The following ACTN4 variants were observed in gnomAD, a reference collection of about 807,000 sequenced individuals.
The protein encoded by ACTN4 is actinin alpha 4.
ACTN4 carries 18 observed loss-of-function variants against 114.2 expected under a neutral mutation model. The ratio of observed to expected loss-of-function variants is 0.16; its 90% confidence interval spans 0.11 to 0.23. The LOEUF is 0.23. ACTN4 is among the 10% of genes least tolerant of loss of function. The probability of loss-of-function intolerance (pLI) is 1.00; values close to 1 mark genes in which losing one functional copy is unlikely to be tolerated. For missense variants in ACTN4, 722 were observed against 1,262.9 expected (o/e 0.57, Z 6.49); for synonymous variants, 515 against 506.3 (o/e 1.02, Z -0.23).
intron 1 of ACTN4, among the ~76,000 whole-genome samples, chr19:38,649,236 G>A (rs1387751348): frequency 7.1e-6 from 1 of 141,746 alleles, no homozygotes; most frequent in Non-Finnish European, 1.5e-5. Context: ...GTGATCAGAA[G>A]TGGAGTGGGA....
rs554507793 is a variant in ACTN4, at chr19:38,696,574, C to G, written c.163-4026C>G. ...CCATTCGAACTCCAGCTCCTACTCA[C>G]CAGTCTCTCCGCATGGAGAAGTGGC... On this transcript the variant is annotated intron_variant, in intron 1 of 20. Coordinates refer to ENST00000252699, the MANE Select transcript of ACTN4 (RefSeq NM_004924.6). 4.6e-3 allele frequency among the ~76,000 whole-genome samples: 696 copies of G among 152,334 alleles called. 2 individuals carry two copies. Among genetic ancestry groups the G allele is most frequent in the Non-Finnish European group, 8.0e-3 (542 of 68,032 alleles).
intron 1 of ACTN4, among the ~76,000 whole-genome samples, chr19:38,667,406 A>G (rs1400340288): frequency 6.6e-6 from 1 of 152,144 alleles, no homozygotes; most frequent in Non-Finnish European, 1.5e-5. Context: ...AGCGGGAGAA[A>G]AATCACAAGG....
In ACTN4 at chr19:38,730,864, G is replaced by A. The variant is rs1441594194; in HGVS notation, c.*1432G>A. The A allele has an allele frequency of 6.4e-7, 1 of 1,551,418 alleles. No individual in the cohort carries two copies. Among genetic ancestry groups the A allele is most frequent in the South Asian group, 1.2e-5 (1 of 84,102 alleles). On this transcript the variant is annotated 3_prime_UTR_variant, in exon 21 of 21. Coordinates refer to ENST00000252699, the MANE Select transcript of ACTN4 (RefSeq NM_004924.6). ...CCATCCGGAGATCCTAGGAGAAGGT[G>A]GCCACCTCCATCCACTAAGGAAGAG...
intron 11 of ACTN4, among the ~76,000 whole-genome samples, chr19:38,721,129 C>A (rs1365289510): frequency 6.6e-6 from 1 of 152,224 alleles, no homozygotes; most frequent in African/African-American, 2.4e-5. Flanking sequence ...TCTGATGCTT[C>A]CCCTTCCCCA....
At chr19:38,676,964 C>T (rs1967396545) in intron 1 of ACTN4, among the ~76,000 whole-genome samples, 1 of 152,164 alleles carries the variant, frequency 6.6e-6, no homozygotes. Context: ...TGCAAGTCCC[C>T]AAGGCCCTGC....
chr19:38,670,608 A>C (rs1309223384), intron 1 of ACTN4, among the ~76,000 whole-genome samples: 1 of 151,962 alleles, frequency 6.6e-6, no homozygotes, highest in Non-Finnish European at 1.5e-5. Flanking sequence ...GGAAATGGAG[A>C]GTTTTATGGG....
intron 16 of ACTN4, among the ~76,000 whole-genome samples, chr19:38,725,393 C>T (rs1384938637): frequency 5.3e-5 from 8 of 152,242 alleles, no homozygotes; most frequent in Admixed American, 3.3e-4. Context: ...CTGAGCTGTC[C>T]TCCGTGAGCC....
At chr19:38,679,670 C>T (rs774758020) in intron 1 of ACTN4, among the ~76,000 whole-genome samples, 1 of 151,578 alleles carries the variant, frequency 6.6e-6, no homozygotes, top group Admixed American at 6.6e-5. Context: ...TAGCTCACTG[C>T]GGCCTCTGAA....
chr19:38,729,514 T>TATCTA lies in ACTN4; in HGVS notation c.*83_*87dup. 9.3e-7 allele frequency: 1 copy of TATCTA among 1,070,324 alleles called. No homozygotes were observed. Among genetic ancestry groups the TATCTA allele is most frequent in the Non-Finnish European group, 1.3e-6 (1 of 787,402 alleles). The allele number at this position is 1,070,324 out of a possible 1,614,324, so 66.3% of individuals were successfully genotyped here. A position where few individuals can be genotyped will look rare whatever the true frequency, so the allele number is the denominator to read the frequency against. ...CCCACAGTCCCATTCCTCCACTCTG[T>TATCTA]ATCTATGCAAAGCACTCTCTGCAGT... On this transcript the variant is annotated 3_prime_UTR_variant, in exon 21 of 21. Transcript: ENST00000252699.
Position 38,727,696 on chromosome 19 carries a change from G to A in ACTN4, c.2338-250G>A, listed in dbSNP as rs1274404071. Among the ~76,000 whole-genome samples the A allele has an allele frequency of 6.9e-6, 1 of 145,070 alleles. No homozygotes were observed. Among genetic ancestry groups the A allele is most frequent in the African/African-American group, 2.6e-5 (1 of 38,698 alleles). On this transcript the variant is annotated intron_variant, in intron 18 of 20. Transcript: ENST00000252699. This position sits in a 1 kb window ranked among gnomAD's most constrained non-coding sequence, Gnocchi z 5.4. ...TCTGTAGCATCCAGCTGCCACCCCTGCTGTGGGCAGAGAGGTCGGGGAGGC... is the reference window on the plus strand; with the variant it reads ...TCTGTAGCATCCAGCTGCCACCCCTACTGTGGGCAGAGAGGTCGGGGAGGC...
In ACTN4 at chr19:38,708,780, C is replaced by T. The variant is rs140867192; in HGVS notation, c.651+585C>T. Reference sequence around the variant, plus strand: ...GCGGAGGAGGCTAGTGTACCCCGAGCGAGCAGGAGCCAGGAAAGGTCCCGG... The same window carrying T: ...GCGGAGGAGGCTAGTGTACCCCGAGTGAGCAGGAGCCAGGAAAGGTCCCGG... On this transcript the variant is annotated intron_variant, in intron 6 of 20. Coordinates refer to ENST00000252699, the MANE Select transcript of ACTN4 (RefSeq NM_004924.6). 2.5e-3 allele frequency among the ~76,000 whole-genome samples: 378 copies of T among 152,298 alleles called. 2 individuals carry two copies. The highest frequency in any genetic ancestry group is 8.8e-3 in the African/African-American group (367 of 41,558).
chr19:38,689,311 A>T (rs1051612399), intron 1 of ACTN4, among the ~76,000 whole-genome samples: 1 of 152,240 alleles, frequency 6.6e-6, no homozygotes, highest in Admixed American at 6.5e-5. Context: ...GGAGAAGCCA[A>T]ACTCAAAGAT....
intron 1 of ACTN4, among the ~76,000 whole-genome samples, chr19:38,686,018 G>A (rs1479425357): frequency 6.6e-6 from 1 of 152,192 alleles, no homozygotes; most frequent in African/African-American, 2.4e-5. Flanking sequence ...AACAGAGGGA[G>A]AAACAGGAGT....
chr19:38,687,802 T>C (rs776896799), intron 1 of ACTN4, among the ~76,000 whole-genome samples: 12 of 152,220 alleles, frequency 7.9e-5, no homozygotes, highest in Non-Finnish European at 1.0e-4. Context: ...CTGGAAACTT[T>C]TTGCTTCAAA....
At chr19:38,716,361 A>G (rs1295951795) in intron 9 of ACTN4, among the ~76,000 whole-genome samples, 1 of 152,256 alleles carries the variant, frequency 6.6e-6, no homozygotes, top group Non-Finnish European at 1.5e-5. Flanking sequence ...AGACTGAGCC[A>G]GGTGGGCTTG....
At chr19:38,728,436 T>TCCTCCTCCTCCC in intron 19 of ACTN4, 5 of 953,840 alleles carry the variant, frequency 5.2e-6, no homozygotes, top group Admixed American at 2.6e-5. Context: ...CTCCTCCTCC[T>TCCTCCTCCTCCC]CCTCCTCCTC....
chr19:38,704,486 C>T (rs1341087089), intron 3 of ACTN4, among the ~76,000 whole-genome samples: 2 of 152,226 alleles, frequency 1.3e-5, no homozygotes, highest in Non-Finnish European at 2.9e-5. Flanking sequence ...TTGCTGACTG[C>T]GAGATGAAAA....
intron 1 of ACTN4, among the ~76,000 whole-genome samples, chr19:38,673,697 ATATT>A (rs1967269356): frequency 1.6e-5 from 1 of 62,516 alleles, no homozygotes; most frequent in Non-Finnish European, 3.2e-5. Context: ...TATATTATAT[ATATT>A]TATATATTTA....
chr19:38,712,772 C>T (rs1021053733), intron 8 of ACTN4, among the ~76,000 whole-genome samples: 3 of 152,186 alleles, frequency 2.0e-5, no homozygotes, highest in African/African-American at 7.2e-5. Flanking sequence ...CCGAACCAGC[C>T]CCCTGCCCAC....
Sources: gnomAD v4.1 joint callset for allele counts (sites outside exome capture counted in the v4.1 genomes callset) on GRCh38, gnomAD v4.1.1 for gene constraint, Gnocchi (gnomAD v3.1) non-coding constraint, MANE v1.5 for transcripts, NCBI Gene and HGNC (gene_info 2026-07-23, HGNC 2026-07-21) for gene names.